INPP5A: variants seen among roughly 807,000 people sequenced by gnomAD.
INPP5A encodes the protein inositol polyphosphate-5-phosphatase A, also known as 43 kDa inositol polyphosphate 5-phophatase.
Under a neutral mutation model 65.2 loss-of-function variants are expected in INPP5A, and 14 were observed. That is an observed-to-expected ratio of 0.21 (90% CI 0.14 to 0.34). The LOEUF is 0.34. Among genes scored for constraint, INPP5A ranks in the 10% least tolerant of loss-of-function variants. The pLI, the probability that INPP5A is intolerant of heterozygous loss-of-function variation, is 1.00. For synonymous variants in INPP5A, 207 were observed against 208.3 expected (o/e 0.99, Z 0.05); for missense variants, 431 against 545.6 (o/e 0.79, Z 2.09).
intron 5 of INPP5A, among the ~76,000 whole-genome samples, chr10:132,691,407 C>T (rs1353676231): frequency 6.6e-6 from 1 of 152,222 alleles, no homozygotes; most frequent in Non-Finnish European, 1.5e-5. Context: ...GACACGGCGT[C>T]TGCGTGCTGT....
At chr10:132,588,555 G>T (rs1435616216) in intron 1 of INPP5A, among the ~76,000 whole-genome samples, 4 of 152,254 alleles carry the variant, frequency 2.6e-5, no homozygotes, top group East Asian at 1.9e-4. Flanking sequence ...GTCGTGCGGG[G>T]CAGGATTTCC....
At chr10:132,583,812 T>C (rs752626315) in intron 1 of INPP5A, among the ~76,000 whole-genome samples, 3 of 152,120 alleles carry the variant, frequency 2.0e-5, no homozygotes, top group Non-Finnish European at 4.4e-5. Context: ...CCAGGCACAG[T>C]GGTTTATTGC....
chr10:132,675,526 G>A lies in INPP5A; in HGVS notation c.307-14866G>A, dbSNP rs2072951590. Among the ~76,000 whole-genome samples, 1 of 152,218 alleles carries A rather than the reference G, an allele frequency of 6.6e-6. No homozygotes were observed. The highest frequency in any genetic ancestry group is 1.5e-5 in the Non-Finnish European group (1 of 68,038). On this transcript the variant is annotated intron_variant, in intron 4 of 15. Coordinates refer to ENST00000368594, the MANE Select transcript of INPP5A (RefSeq NM_005539.5). The surrounding 1 kb of genome is among the most constrained non-coding windows in gnomAD (Gnocchi z 4.2). ...TGCAGTGTAAAACACGGAGAGAAGT[G>A]CGGTTGAGCATGGGGGTGGGTGCGT...
chr10:132,620,081 T>C (rs1398842075), intron 2 of INPP5A, among the ~76,000 whole-genome samples: 1 of 152,232 alleles, frequency 6.6e-6, no homozygotes, highest in Non-Finnish European at 1.5e-5. Context: ...TGGGGAGCAC[T>C]GACCTGAAGC....
rs1013650678 is a variant in INPP5A, at chr10:132,675,255, C to T, written c.307-15137C>T. On this transcript the variant is annotated intron_variant, in intron 4 of 15. Transcript: ENST00000368594. This position sits in a 1 kb window ranked among gnomAD's most constrained non-coding sequence, Gnocchi z 4.2. ...TGGTAACCGCAGGGGACGGTGCAGCCGCATCTTCCGTGTCCTTGGAGGAAA... is the reference window on the plus strand; with the variant it reads ...TGGTAACCGCAGGGGACGGTGCAGCTGCATCTTCCGTGTCCTTGGAGGAAA... Among the ~76,000 whole-genome samples the T allele has an allele frequency of 1.1e-4, 16 of 152,214 alleles. No homozygotes were observed. Among genetic ancestry groups the T allele is most frequent in the African/African-American group, 3.6e-4 (15 of 41,452 alleles).
chr10:132,768,547 G>A (rs751016602), intron 12 of INPP5A, among the ~76,000 whole-genome samples: 7 of 152,184 alleles, frequency 4.6e-5, no homozygotes, highest in Non-Finnish European at 7.3e-5. Context: ...TGCCAGGCTC[G>A]TCCACCTGCC....
At chr10:132,719,913 C>T (rs550051803) in intron 8 of INPP5A, among the ~76,000 whole-genome samples, 1 of 150,012 alleles carries the variant, frequency 6.7e-6, no homozygotes, top group Non-Finnish European at 1.5e-5. Context: ...TACCTGGGTT[C>T]TGTCTGGGCA....
chr10:132,701,609 G>A (rs1342401753), intron 6 of INPP5A, among the ~76,000 whole-genome samples: 2 of 152,248 alleles, frequency 1.3e-5, no homozygotes, highest in Non-Finnish European at 2.9e-5. Context: ...AGCACTTCCC[G>A]GCCCTGCTCT....
chr10:132,699,407 G>T (rs1365599377), intron 6 of INPP5A, among the ~76,000 whole-genome samples: 1 of 152,052 alleles, frequency 6.6e-6, no homozygotes. Context: ...CCACCTGATG[G>T]CATGAGGAGA....
rs12219119 is a variant in INPP5A, at chr10:132,729,827, C to T, written c.732+2922C>T. Among the ~76,000 whole-genome samples the T allele has an allele frequency of 2.3e-3, 355 of 152,318 alleles. 11 individuals carry two copies. The East Asian group carries it at 0.064, about 28-fold the overall frequency. On this transcript the variant is annotated intron_variant, in intron 9 of 15. Transcript: ENST00000368594. ...CTACAGAGGACGGGAATTCTAATGG[C>T]TGTGCTTAAGGGGCTGTTTACTTTG...
rs753757727 is a variant in INPP5A, at chr10:132,678,373, T to C, written c.307-12019T>C. Among the ~76,000 whole-genome samples, 5 of 152,268 alleles carry C rather than the reference T, an allele frequency of 3.3e-5. No homozygotes were observed. The highest frequency in any genetic ancestry group is 7.3e-5 in the Non-Finnish European group (5 of 68,052). On this transcript the variant is annotated intron_variant, in intron 4 of 15. Transcript: ENST00000368594. This position sits in a 1 kb window ranked among gnomAD's most constrained non-coding sequence, Gnocchi z 4.1. ...TTGTTTATAATCTAATGACTGTTAT[T>C]ATAACTTTGCTTTGATTTATTACTC...
chr10:132,703,586 C>T (rs1314488252), intron 6 of INPP5A, among the ~76,000 whole-genome samples: 1 of 148,262 alleles, frequency 6.7e-6, no homozygotes, highest in Non-Finnish European at 1.5e-5. Flanking sequence ...CACCCCTGCA[C>T]ACACATGGCT....
At chr10:132,602,419 G>C (rs2786903) in intron 1 of INPP5A, among the ~76,000 whole-genome samples, 1 of 151,670 alleles carries the variant, frequency 6.6e-6, no homozygotes, top group Non-Finnish European at 1.5e-5. Context: ...CTCAGCTCCC[G>C]AGTAGCTGGG....
At chr10:132,652,600 GC>G (rs765693530) in intron 4 of INPP5A, among the ~76,000 whole-genome samples, 3 of 152,228 alleles carry the variant, frequency 2.0e-5, no homozygotes, top group Non-Finnish European at 4.4e-5. Flanking sequence ...TCTGCGTGCT[GC>G]CCTGCCATGG....
chr10:132,578,435 C>A (rs976061930), intron 1 of INPP5A, among the ~76,000 whole-genome samples: 1 of 140,040 alleles, frequency 7.1e-6, no homozygotes, highest in Non-Finnish European at 1.6e-5. Context: ...TGCCAGTCCC[C>A]GGCAGGTGAA....
At position 132,624,870 on chromosome 10, in the gene INPP5A, C is replaced by T. The variant is rs115841840; in HGVS notation, c.117+16914C>T. Among the ~76,000 whole-genome samples, 592 of 151,994 alleles carry T rather than the reference C, an allele frequency of 3.9e-3. 3 individuals are homozygous for T. Among genetic ancestry groups the T allele is most frequent in the African/African-American group, 0.014 (562 of 41,456 alleles). On this transcript the variant is annotated intron_variant, in intron 2 of 15. Transcript: ENST00000368594. Reference sequence around the variant, plus strand: ...CCTCCTGGCTGACACAGCTCCATGCCGCCGGTGCCAGGGCCCACACCGTGG... The same window carrying T: ...CCTCCTGGCTGACACAGCTCCATGCTGCCGGTGCCAGGGCCCACACCGTGG...
chr10:132,541,186 C>T (rs563593543), intron 1 of INPP5A, among the ~76,000 whole-genome samples: 4 of 152,248 alleles, frequency 2.6e-5, no homozygotes, highest in South Asian at 2.1e-4. Context: ...CCGTGTTGTC[C>T]GGGCTGGTCT....
In INPP5A at chr10:132,706,748, A is replaced by G. The variant is rs1002001615; in HGVS notation, c.475-1565A>G. The stretch of plus-strand genomic sequence containing the variant: ...CCACAGCCCTAGAGCCTTGCCCAGG[A>G]GGGAGCTGTGGGGGCCACTGTCCTG... On this transcript the variant is annotated intron_variant, in intron 6 of 15. Transcript: ENST00000368594. The surrounding 1 kb of genome is among the most constrained non-coding windows in gnomAD (Gnocchi z 4.7). Among the ~76,000 whole-genome samples, 1 of 152,148 alleles carries G rather than the reference A, an allele frequency of 6.6e-6. No homozygotes were observed. The highest frequency in any genetic ancestry group is 1.5e-5 in the Non-Finnish European group (1 of 68,012).
At chr10:132,701,263 G>C (rs1251056343) in intron 6 of INPP5A, among the ~76,000 whole-genome samples, 1 of 152,200 alleles carries the variant, frequency 6.6e-6, no homozygotes, top group East Asian at 1.9e-4. Context: ...CACCCCCACG[G>C]GATGTGGGTG....
Sources: allele counts gnomAD v4.1 joint callset (sites outside exome capture counted in the v4.1 genomes callset), GRCh38; gene constraint gnomAD v4.1.1; non-coding constraint Gnocchi (gnomAD v3.1); transcripts MANE v1.5; gene names NCBI Gene and HGNC (gene_info 2026-07-23, HGNC 2026-07-21).